MIPOL1: variants seen among roughly 807,000 people sequenced by gnomAD.
MIPOL1 encodes mirror-image polydactyly gene 1 protein.
In MIPOL1, 57 loss-of-function variants were observed where a neutral mutation model predicts 60.9. That is an observed-to-expected ratio of 0.94 (90% CI 0.76 to 1.17). The LOEUF is 1.17. MIPOL1 is among the 50% of genes most tolerant of loss of function. The pLI, the probability that MIPOL1 is intolerant of heterozygous loss-of-function variation, is 0.00. For missense variants in MIPOL1, 551 were observed against 511.6 expected, an observed-to-expected ratio of 1.08 and a Z score of -0.74; for synonymous variants, 179 against 168.8, an observed-to-expected ratio of 1.06 and a Z score of -0.47.
At chr14:37,464,886 G>T (rs2094580140) in intron 11 of MIPOL1, among the ~76,000 whole-genome samples, 1 of 151,990 alleles carries the variant, frequency 6.6e-6, no homozygotes, top group Non-Finnish European at 1.5e-5. Context: ...ACAAATTTTT[G>T]TTTTTTTATT....
intron 11 of MIPOL1, among the ~76,000 whole-genome samples, chr14:37,458,830 C>A (rs184866469): frequency 6.1e-5 from 9 of 148,722 alleles, no homozygotes; most frequent in African/African-American, 2.2e-4. Context: ...CCAGCCTGGG[C>A]AACAGAGAGA....
chr14:37,297,921 C>G (rs991040941), intron 7 of MIPOL1, among the ~76,000 whole-genome samples: 22 of 152,238 alleles, frequency 1.4e-4, no homozygotes, highest in African/African-American at 4.8e-4. Flanking sequence ...CATCAAGCTA[C>G]CAATGACTTT....
intron 7 of MIPOL1, among the ~76,000 whole-genome samples, chr14:37,294,872 A>G (rs1416183834): frequency 6.6e-6 from 1 of 152,164 alleles, no homozygotes; most frequent in Non-Finnish European, 1.5e-5. Flanking sequence ...CAAGTTGGAA[A>G]ACACTCTGCA....
chr14:37,286,248 G>A (rs2084555607), intron 7 of MIPOL1, among the ~76,000 whole-genome samples: 1 of 152,114 alleles, frequency 6.6e-6, no homozygotes, highest in Non-Finnish European at 1.5e-5. Context: ...AGCAACCCAG[G>A]TGATTCTGAT....
At chr14:37,259,969 C>T (rs569185487) in intron 3 of MIPOL1, among the ~76,000 whole-genome samples, 1 of 152,152 alleles carries the variant, frequency 6.6e-6, no homozygotes, top group East Asian at 1.9e-4. Context: ...TTTGTCATTT[C>T]CCCTGAGAGC....
chr14:37,488,577 C>A (rs914555590), intron 11 of MIPOL1, among the ~76,000 whole-genome samples: 1 of 151,258 alleles, frequency 6.6e-6, no homozygotes, highest in East Asian at 2.0e-4. Flanking sequence ...TTGTATCATG[C>A]CCTTCTTTGT....
chr14:37,464,453 A>G (rs1463839031), intron 11 of MIPOL1, among the ~76,000 whole-genome samples: 2 of 152,220 alleles, frequency 1.3e-5, no homozygotes, highest in Non-Finnish European at 2.9e-5. Flanking sequence ...TCTCGAGGTC[A>G]TTATCCTAAG....
At chr14:37,495,913 G>A (rs1179036469) in intron 11 of MIPOL1, among the ~76,000 whole-genome samples, 2 of 147,828 alleles carry the variant, frequency 1.4e-5, no homozygotes, top group Non-Finnish European at 3.0e-5. Flanking sequence ...TTTTTTGGCT[G>A]CATAAATGTC....
At chr14:37,436,667 A>T (rs555045169) in intron 11 of MIPOL1, among the ~76,000 whole-genome samples, 38 of 152,204 alleles carry the variant, frequency 2.5e-4, no homozygotes, top group Non-Finnish European at 4.4e-4. Context: ...TTGACTGAGG[A>T]TGATGATGAC....
At chr14:37,496,532 G>T (rs1207407905) in intron 11 of MIPOL1, among the ~76,000 whole-genome samples, 1 of 144,402 alleles carries the variant, frequency 6.9e-6, no homozygotes, top group Non-Finnish European at 1.5e-5. Context: ...GCCAAATCAT[G>T]AGTGAACTCC....
At chr14:37,332,609 G>A (rs2089799095) in intron 9 of MIPOL1, among the ~76,000 whole-genome samples, 1 of 152,120 alleles carries the variant, frequency 6.6e-6, no homozygotes, top group Admixed American at 6.5e-5. Flanking sequence ...TTGTAAGGAA[G>A]AGAAAATACA....
At chr14:37,407,256 A>C (rs759648331) in intron 10 of MIPOL1, among the ~76,000 whole-genome samples, 35 of 152,242 alleles carry the variant, frequency 2.3e-4, no homozygotes, top group Non-Finnish European at 4.3e-4. Flanking sequence ...AGAGTAGTTA[A>C]TGCATAGATA....
At chr14:37,422,614 A>T (rs1271733490) in intron 10 of MIPOL1, among the ~76,000 whole-genome samples, 1 of 152,004 alleles carries the variant, frequency 6.6e-6, no homozygotes, top group Non-Finnish European at 1.5e-5. Flanking sequence ...GATGGTACAG[A>T]TAAATAAGGT....
At chr14:37,283,241 AT>A (rs1391195173) in intron 6 of MIPOL1, among the ~76,000 whole-genome samples, 2 of 151,816 alleles carry the variant, frequency 1.3e-5, no homozygotes. Context: ...AATTTTTTGT[AT>A]TTTTAGTAGA....
chr14:37,545,928 A>T, intron 12 of MIPOL1: 1 of 311,338 alleles, frequency 3.2e-6, no homozygotes, highest in Non-Finnish European at 5.9e-6. Flanking sequence ...AGAGAGGAAG[A>T]TTGTGTATAT....
At chr14:37,498,618 G>C (rs564619496) in intron 11 of MIPOL1, among the ~76,000 whole-genome samples, 3 of 152,162 alleles carry the variant, frequency 2.0e-5, no homozygotes, top group South Asian at 4.1e-4. Flanking sequence ...TGCAAACCAT[G>C]AAAAAAGGTA....
At chr14:37,250,782 A>C (rs1339552016) in intron 3 of MIPOL1, among the ~76,000 whole-genome samples, 3 of 152,116 alleles carry the variant, frequency 2.0e-5, no homozygotes, top group African/African-American at 7.2e-5. Context: ...TTTAAAAGAA[A>C]TTAAGTTAAT....
At chr14:37,239,334 C>T (rs931865413) in intron 1 of MIPOL1, among the ~76,000 whole-genome samples, 26 of 152,120 alleles carry the variant, frequency 1.7e-4, no homozygotes, top group South Asian at 4.2e-4. Context: ...CGTGAGCCAC[C>T]GCGCCTGGCC....
At chr14:37,495,360 T>C (rs1294325898) in intron 11 of MIPOL1, among the ~76,000 whole-genome samples, 1 of 145,230 alleles carries the variant, frequency 6.9e-6, no homozygotes, top group Middle Eastern at 3.2e-3. Context: ...AATTCCCACC[T>C]ATGAGTGAGA....
Sources: gnomAD v4.1 joint callset for allele counts (sites outside exome capture counted in the v4.1 genomes callset) on GRCh38, gnomAD v4.1.1 for gene constraint, MANE v1.5 for transcripts, NCBI Gene and HGNC (gene_info 2026-07-23, HGNC 2026-07-21) for gene names.